UBAP2: variants seen among roughly 807,000 people sequenced by gnomAD.
The protein encoded by UBAP2 is ubiquitin associated protein 2, also known as ubiquitin-associated protein 2.
UBAP2 carries 75 observed loss-of-function variants against 139.6 expected under a neutral mutation model. That is an observed-to-expected ratio of 0.54 (90% CI 0.45 to 0.65). The LOEUF (loss-of-function observed/expected upper bound fraction) is 0.65. Among genes scored for constraint, UBAP2 ranks in the 30% least tolerant of loss-of-function variants. The pLI, the probability that UBAP2 is intolerant of heterozygous loss-of-function variation, is 0.00. For synonymous variants in UBAP2, 526 were observed against 526.2 expected (o/e 1.00, Z 0.01); for missense variants, 1,368 against 1,369.6 (o/e 1.00, Z 0.02).
intron 6 of UBAP2, among the ~76,000 whole-genome samples, chr9:33,975,286 G>A (rs1828225884): frequency 2.0e-5 from 3 of 151,730 alleles, no homozygotes; most frequent in Admixed American, 2.0e-4. Flanking sequence ...GCAAAAATTA[G>A]CCAGGCGTGG....
At chr9:33,966,853 G>A (rs1219258090) in intron 8 of UBAP2, among the ~76,000 whole-genome samples, 1 of 151,870 alleles carries the variant, frequency 6.6e-6, no homozygotes, top group African/African-American at 2.4e-5. Context: ...AAAAAGGGGA[G>A]AATATATGTG....
chr9:33,957,375 C>G (rs901735134), intron 10 of UBAP2, among the ~76,000 whole-genome samples: 2 of 152,188 alleles, frequency 1.3e-5, no homozygotes, highest in Non-Finnish European at 2.9e-5. Flanking sequence ...TTTACTCCCC[C>G]ACAATTTCCA....
chr9:33,935,265 T>C (rs1174916816), intron 17 of UBAP2: 1 of 152,326 alleles, frequency 6.6e-6, no homozygotes, highest in African/African-American at 2.4e-5. Context: ...AGCCTATCTT[T>C]CCTGAACAAG....
At chr9:34,040,402 G>C (rs1003499691) in intron 1 of UBAP2, among the ~76,000 whole-genome samples, 11 of 149,772 alleles carry the variant, frequency 7.3e-5, no homozygotes, top group African/African-American at 2.7e-4. Context: ...TATAATGGCA[G>C]ACATATATCC....
Position 33,953,325 on chromosome 9 carries a change from C to T in UBAP2, c.1016G>A (p.Gly339Asp). The stretch of plus-strand genomic sequence containing the variant: ...ACAGGAGTTGACGGCAGTGGAGCTG[C>T]CAGTCCCTGGTGCCATCTGATTGTT... Reference protein sequence around the residue: ...QHNNQMAPGTGSSTAVNSCSP... With the variant: ...QHNNQMAPGTDSSTAVNSCSP... Residue 339 changes from glycine to aspartate, a missense_variant, in exon 12 of 29, where the codon GGC becomes GAC. Physicochemically the swap from Gly to Asp is moderately conservative, Grantham distance 94. Transcript: ENST00000379238. 1 of 1,614,188 alleles carries T rather than the reference C, an allele frequency of 6.2e-7. No individual in the cohort carries two copies. The highest frequency in any genetic ancestry group is 1.1e-5 in the South Asian group (1 of 91,076).
chr9:33,924,108 C>T (rs1473845676), intron 23 of UBAP2, 98 bp downstream of exon 23: 14 of 1,581,108 alleles, frequency 8.9e-6, no homozygotes, highest in Non-Finnish European at 1.2e-5. Flanking sequence ...GCACAGGCTA[C>T]TAAGAGGCCT....
At chr9:34,012,256 C>A (rs2131255645) in intron 2 of UBAP2, among the ~76,000 whole-genome samples, 1 of 152,262 alleles carries the variant, frequency 6.6e-6, no homozygotes, top group Admixed American at 6.5e-5. Context: ...TACAGCTGGG[C>A]CCAGTGGCTC....
chr9:34,021,745 T>C (rs937934862), intron 1 of UBAP2, among the ~76,000 whole-genome samples: 1 of 151,830 alleles, frequency 6.6e-6, no homozygotes, highest in African/African-American at 2.4e-5. Flanking sequence ...GCGATTCTCC[T>C]GTCTCAGCCT....
intron 1 of UBAP2, among the ~76,000 whole-genome samples, chr9:34,041,063 T>C (rs1191371166): frequency 2.0e-5 from 3 of 152,044 alleles, no homozygotes; most frequent in Non-Finnish European, 4.4e-5. Context: ...CAAGTAAAAT[T>C]GGTAATCTCA....
At chr9:33,985,395 T>C (rs966989862) in intron 6 of UBAP2, among the ~76,000 whole-genome samples, 1 of 152,190 alleles carries the variant, frequency 6.6e-6, no homozygotes, top group African/African-American at 2.4e-5. Flanking sequence ...ATTCACAATA[T>C]TCACAAATAT....
At chr9:33,992,346 G>A (rs538281258) in intron 4 of UBAP2, among the ~76,000 whole-genome samples, 250 of 127,866 alleles carry the variant, frequency 2.0e-3, no homozygotes, top group African/African-American at 7.4e-3. Context: ...CCGAGATCAC[G>A]CCATTACTCT....
At chr9:33,985,194 ATT>A (rs1038380155) in intron 6 of UBAP2, among the ~76,000 whole-genome samples, 1 of 152,036 alleles carries the variant, frequency 6.6e-6, no homozygotes, top group African/African-American at 2.4e-5. Flanking sequence ...TTTTTTTTTA[ATT>A]TTTAACTTTT....
chr9:33,930,929 A>C (rs1425766924), intron 19 of UBAP2, among the ~76,000 whole-genome samples: 1 of 150,638 alleles, frequency 6.6e-6, no homozygotes, highest in African/African-American at 2.4e-5. Context: ...GCGGATGATA[A>C]TGGGGAAATG....
In UBAP2 at chr9:33,923,862, T is replaced by G; in HGVS notation, c.2729A>C (p.Tyr910Ser). Reference sequence around the variant, plus strand: ...GTAGTAGGGAAGACCAGTGTAGCTATAGCCAGGTGGCAGTGCAGGATTCAC... The same window carrying G: ...GTAGTAGGGAAGACCAGTGTAGCTAGAGCCAGGTGGCAGTGCAGGATTCAC... ...PFVNPALPPG[Y>S]SYTGLPYYTG... Residue 910 changes from tyrosine (Y) to serine (S), a missense_variant, in exon 24 of 29, where the codon TAT becomes TCT. By Grantham distance (144) the Tyr-to-Ser change is moderately radical. Transcript: ENST00000379238. 1 of 1,614,202 alleles carries G rather than the reference T, an allele frequency of 6.2e-7. No homozygotes were observed. Among genetic ancestry groups the G allele is most frequent in the South Asian group, 1.1e-5 (1 of 91,084 alleles).
chr9:33,947,342 T>G (rs1825726573), intron 13 of UBAP2, among the ~76,000 whole-genome samples: 1 of 152,118 alleles, frequency 6.6e-6, no homozygotes, highest in Admixed American at 6.6e-5. Context: ...CTTAATACAG[T>G]GTGGCATGTG....
At chr9:33,926,422 TG>T (rs2130859191) in intron 22 of UBAP2, among the ~76,000 whole-genome samples, 194 bp downstream of exon 22, 2 of 152,290 alleles carry the variant, frequency 1.3e-5, no homozygotes, top group South Asian at 4.1e-4. Context: ...GGATGAGCAC[TG>T]GATACTCTGT....
intron 1 of UBAP2, among the ~76,000 whole-genome samples, chr9:34,024,267 G>A (rs569840918): frequency 4.0e-4 from 61 of 151,950 alleles, no homozygotes; most frequent in African/African-American, 1.4e-3. Flanking sequence ...GCTTGAACCC[G>A]GGAGGAAGAG....
At chr9:33,968,364 T>C (rs923319921) in intron 8 of UBAP2, 2 of 576,350 alleles carry the variant, frequency 3.5e-6, no homozygotes, top group African/African-American at 3.8e-5. Context: ...GGTTCAACAA[T>C]AACATCATAA....
intron 5 of UBAP2, among the ~76,000 whole-genome samples, chr9:33,987,296 C>A (rs1188435968): frequency 6.6e-6 from 1 of 152,064 alleles, no homozygotes; most frequent in Non-Finnish European, 1.5e-5. Flanking sequence ...CCTATAGTCC[C>A]AGCTACTCGA....
Sources: gnomAD v4.1 joint callset for allele counts (sites outside exome capture counted in the v4.1 genomes callset) on GRCh38, gnomAD v4.1.1 for gene constraint, MANE v1.5 for transcripts, NCBI Gene and HGNC (gene_info 2026-07-23, HGNC 2026-07-21) for gene names.